Variants in KATNAL2 observed in about 807,000 individuals in gnomAD.
KATNAL2 encodes the protein katanin p60 ATPase-containing subunit A-like 2.
In KATNAL2, 52 loss-of-function variants were observed where a neutral mutation model predicts 76.3. The ratio of observed to expected loss-of-function variants is 0.68; its 90% CI spans 0.55 to 0.86. The LOEUF (loss-of-function observed/expected upper bound fraction) is 0.86. KATNAL2 is among the 40% of genes least tolerant of loss of function. The probability of loss-of-function intolerance (pLI) is 0.00; values close to 1 mark genes in which losing one functional copy is unlikely to be tolerated. For missense variants in KATNAL2, 660 were observed against 668.9 expected (o/e 0.99, Z 0.15); for synonymous variants, 243 against 244.2 (o/e 1.00, Z 0.05).
At chr18:47,033,614 G>C (rs933040612) in intron 3 of KATNAL2, 3 of 1,614,052 alleles carry the variant, frequency 1.9e-6, no homozygotes, top group Admixed American at 3.3e-5. Flanking sequence ...ACCCAGTAGG[G>C]GACCTCTCCC....
At chr18:47,025,504 T>A (rs1275007300) in intron 3 of KATNAL2, among the ~76,000 whole-genome samples, 9 of 11,944 alleles carry the variant, frequency 7.5e-4, no homozygotes, top group African/African-American at 1.8e-3. Flanking sequence ...TCTCTCTCAG[T>A]GTGTGTGTGT....
intron 13 of KATNAL2, among the ~76,000 whole-genome samples, chr18:47,073,089 G>A (rs534583767): frequency 1.7e-4 from 26 of 152,186 alleles, no homozygotes; most frequent in Middle Eastern, 6.8e-3. Context: ...CAGATTACTT[G>A]CCAACAGGGT....
intron 17 of KATNAL2, 135 bp from the exon 18 acceptor site, chr18:47,100,731 T>G: frequency 8.9e-7 from 1 of 1,118,900 alleles, no homozygotes; most frequent in South Asian, 1.5e-5. Context: ...CCCTCTTTAG[T>G]CTTGCCTTTT....
At chr18:46,948,009 G>A (rs1245887429) in intron 3 of KATNAL2, among the ~76,000 whole-genome samples, 2 of 152,100 alleles carry the variant, frequency 1.3e-5, no homozygotes, top group Non-Finnish European at 2.9e-5. Flanking sequence ...AGAAACCCCC[G>A]GGATGATTTC....
intron 3 of KATNAL2, chr18:47,033,422 G>C: frequency 3.7e-6 from 6 of 1,614,186 alleles, no homozygotes; most frequent in Non-Finnish European, 5.1e-6. Flanking sequence ...CGCTGCTCTG[G>C]GGCGTCCGGA....
intron 3 of KATNAL2, among the ~76,000 whole-genome samples, chr18:47,045,266 G>A (rs1334206164): frequency 6.6e-6 from 1 of 151,466 alleles, no homozygotes; most frequent in African/African-American, 2.4e-5. Context: ...AGAAAACTCT[G>A]CATGAATGCC....
intron 15 of KATNAL2, among the ~76,000 whole-genome samples, chr18:47,085,778 T>A (rs1005891559): frequency 1.3e-5 from 2 of 151,810 alleles, no homozygotes; most frequent in Non-Finnish European, 1.5e-5. Flanking sequence ...ACTCTTTTTT[T>A]ATTGCAAATA....
At chr18:47,032,755 C>A in intron 3 of KATNAL2, 5 of 636,262 alleles carry the variant, frequency 7.9e-6, no homozygotes, top group Non-Finnish European at 1.3e-5. Flanking sequence ...AGTGAACATC[C>A]AAAATAGAAT....
At chr18:47,092,478 GAC>G (rs1481260006) in intron 15 of KATNAL2, among the ~76,000 whole-genome samples, 2 of 152,084 alleles carry the variant, frequency 1.3e-5, no homozygotes, top group African/African-American at 4.8e-5. Flanking sequence ...TAGGCTGGGT[GAC>G]AGAGTGAGTG....
chr18:47,087,950 TTTTC>T (rs2062845349), intron 15 of KATNAL2, among the ~76,000 whole-genome samples: 1 of 152,180 alleles, frequency 6.6e-6, no homozygotes, highest in Non-Finnish European at 1.5e-5. Context: ...TTTATTTGAC[TTTTC>T]TTTTTCTTGA....
chr18:46,946,206 C>T lies in KATNAL2; in HGVS notation c.-360C>T. On this transcript the variant is annotated 5_prime_UTR_variant, in exon 2 of 18. Transcript: ENST00000683218. ...AAGGGAAAGACATTGAAGAAACAGA[C>T]TAGTTAACACATGAAAAAAATAGAG... 9.6e-7 allele frequency: 1 copy of T among 1,045,488 alleles called. No individual in the cohort carries two copies. The highest frequency in any genetic ancestry group is 1.2e-6 in the Non-Finnish European group (1 of 863,590). 64.8% of individuals were successfully genotyped at this position (1,045,488 alleles called of 1,614,324 possible).
intron 15 of KATNAL2, among the ~76,000 whole-genome samples, chr18:47,079,139 A>G (rs867924337): frequency 6.6e-6 from 1 of 152,172 alleles, no homozygotes; most frequent in Non-Finnish European, 1.5e-5. Flanking sequence ...CTTTGCTGCA[A>G]TATCTTAAAT....
In KATNAL2 at chr18:46,925,068, C is replaced by A. The variant is rs572373876; in HGVS notation, c.-510+7142C>A. On this transcript the variant is annotated intron_variant, in intron 1 of 17. Transcript: ENST00000683218. ...CTTCCTCTTTTCCCAATTGAATACC[C>A]TTTTTTTCCTTCTCCTGCCTGATTG... is the stretch of plus-strand genomic sequence containing the variant. 3.0e-4 allele frequency among the ~76,000 whole-genome samples: 46 copies of A among 152,214 alleles called. 1 individual carries two copies. The highest frequency in any genetic ancestry group is 5.6e-4 in the Non-Finnish European group (38 of 68,022).
At chr18:47,072,557 C>T (rs776843799) in intron 13 of KATNAL2, among the ~76,000 whole-genome samples, 3 of 152,150 alleles carry the variant, frequency 2.0e-5, no homozygotes, top group Non-Finnish European at 2.9e-5. Context: ...GTAATCTTCC[C>T]ACCTCAGCCT....
chr18:47,072,738 A>G (rs9962436), intron 13 of KATNAL2, among the ~76,000 whole-genome samples: 89,343 of 152,062 alleles, frequency 0.59, 26,415 homozygotes, highest in Non-Finnish European at 0.63. Context: ...CATGCCTAGC[A>G]TCTCCCTGCC....
At chr18:47,066,724 A>AT (rs146991632) in intron 10 of KATNAL2, among the ~76,000 whole-genome samples, 1,765 of 149,596 alleles carry the variant, frequency 0.012, 21 homozygotes, top group Non-Finnish European at 0.018. Context: ...TTGTTAGGAG[A>AT]TTTTTTTTTC....
At chr18:47,095,555 C>A (rs1278403946) in intron 15 of KATNAL2, among the ~76,000 whole-genome samples, 1 of 152,206 alleles carries the variant, frequency 6.6e-6, no homozygotes, top group Non-Finnish European at 1.5e-5. Flanking sequence ...AATTAAACCC[C>A]TTTCCTTTAT....
Position 47,033,083 on chromosome 18 carries a change from G to A in KATNAL2, c.52-13374G>A, listed in dbSNP as rs768643242. 2.5e-6 allele frequency: 4 copies of A among 1,614,100 alleles called. No homozygotes were observed. In the East Asian group the frequency reaches 6.7e-5, roughly 27 times the overall value. Reference sequence around the variant, plus strand: ...GCCACTTTCTTGGCAGCCTGTTTCCGGGTTTTGGCCGCGGGCGCCGCGTGC... The same window carrying A: ...GCCACTTTCTTGGCAGCCTGTTTCCAGGTTTTGGCCGCGGGCGCCGCGTGC... On this transcript the variant is annotated intron_variant, in intron 3 of 17. Coordinates refer to ENST00000683218, the MANE Select transcript of KATNAL2 (RefSeq NM_001387690.1).
chr18:47,049,290 C>T (rs1373037896), intron 4 of KATNAL2, among the ~76,000 whole-genome samples: 2 of 152,162 alleles, frequency 1.3e-5, no homozygotes, highest in Non-Finnish European at 2.9e-5. Flanking sequence ...ATGTAACATG[C>T]TTAGAATCAT....
Sources: allele counts gnomAD v4.1 joint callset (sites outside exome capture counted in the v4.1 genomes callset), GRCh38; gene constraint gnomAD v4.1.1; transcripts MANE v1.5; gene names NCBI Gene and HGNC (gene_info 2026-07-23, HGNC 2026-07-21).